The following SEMA3A variants were observed in gnomAD, a reference collection of about 807,000 sequenced individuals.
SEMA3A encodes the protein semaphorin 3A.
In SEMA3A, 29 loss-of-function variants were observed where a neutral mutation model predicts 97.9. The observed-to-expected ratio is 0.30, with a 90% CI of 0.22 to 0.40. The LOEUF is 0.40. Among genes scored for constraint, SEMA3A ranks in the 10% least tolerant of loss-of-function variants. The probability of loss-of-function intolerance (pLI) is 1.00; values close to 1 mark genes in which losing one functional copy is unlikely to be tolerated. For missense variants in SEMA3A, 763 were observed against 951.3 expected, an observed-to-expected ratio of 0.80 and a Z score of 2.60; for synonymous variants, 321 against 323.7, an observed-to-expected ratio of 0.99 and a Z score of 0.09.
At chr7:84,201,379 C>T (rs1269359159) in intron 3 of SEMA3A, among the ~76,000 whole-genome samples, 1 of 152,042 alleles carries the variant, frequency 6.6e-6, no homozygotes, top group Non-Finnish European at 1.5e-5. Context: ...ATCTACAGTG[C>T]ATTCTGCTTT....
chr7:83,981,923 G>A (rs1393760193), intron 13 of SEMA3A, among the ~76,000 whole-genome samples: 1 of 152,040 alleles, frequency 6.6e-6, no homozygotes, highest in Admixed American at 6.6e-5. Flanking sequence ...GATGGAGTGT[G>A]CCCTTTCCTA....
At chr7:84,137,142 T>C (rs547121901) in intron 1 of SEMA3A, among the ~76,000 whole-genome samples, 1 of 152,234 alleles carries the variant, frequency 6.6e-6, no homozygotes, top group African/African-American at 2.4e-5. Context: ...GGCTCATGCC[T>C]GTAATCTCAG....
intron 3 of SEMA3A, among the ~76,000 whole-genome samples, chr7:84,229,439 T>C (rs895184818): frequency 6.6e-6 from 1 of 152,130 alleles, no homozygotes; most frequent in African/African-American, 2.4e-5. Context: ...ATCAATCTAT[T>C]TAACCTTGGA....
chr7:84,215,606 C>T (rs7808880), intron 3 of SEMA3A, among the ~76,000 whole-genome samples: 11,386 of 152,182 alleles, frequency 0.075, 1,459 homozygotes, highest in African/African-American at 0.26. Flanking sequence ...TTGCCATCTG[C>T]CATATTATAT....
intron 3 of SEMA3A, among the ~76,000 whole-genome samples, chr7:84,289,636 A>G (rs975189105): frequency 1.3e-5 from 2 of 152,144 alleles, no homozygotes; most frequent in African/African-American, 2.4e-5. Flanking sequence ...GTTAGCAAGG[A>G]TATTGAGAAC....
At chr7:84,427,649 CA>C (rs55872394) in intron 1 of SEMA3A, among the ~76,000 whole-genome samples, 53 of 72,984 alleles carry the variant, frequency 7.3e-4, no homozygotes, top group African/African-American at 2.7e-3. Flanking sequence ...GATTCTGTCT[CA>C]AAAAAAAAAA....
chr7:84,176,842 G>A (rs574325745), intron 1 of SEMA3A, among the ~76,000 whole-genome samples: 1 of 152,208 alleles, frequency 6.6e-6, no homozygotes, highest in East Asian at 1.9e-4. Flanking sequence ...AGTTTAGGGT[G>A]TGCAACATGC....
intron 1 of SEMA3A, among the ~76,000 whole-genome samples, chr7:84,417,172 A>T (rs1804459701): frequency 6.6e-6 from 1 of 152,080 alleles, no homozygotes; most frequent in Non-Finnish European, 1.5e-5. Flanking sequence ...CTATATTGTG[A>T]TTTAATACTT....
intron 15 of SEMA3A, among the ~76,000 whole-genome samples, chr7:83,968,522 G>C (rs1406636183): frequency 6.6e-6 from 1 of 151,992 alleles, no homozygotes; most frequent in Admixed American, 6.6e-5. Context: ...AATGGACTTT[G>C]TGATCATACT....
rs1262540857 is a variant in SEMA3A at position 84,336,815 on chromosome 7, T to A, written c.-168-29523A>T. Among the ~76,000 whole-genome samples the A allele has an allele frequency of 2.0e-5, 3 of 152,162 alleles. No individual in the cohort carries two copies. The East Asian group carries it at 5.8e-4, about 29-fold the overall frequency. ...ACACTTTACTAAGTAAAGTAGCATG[T>A]CTTGTAATCTTGTAAAATAGTCTGT... is the stretch of plus-strand genomic sequence containing the variant. On this transcript the variant is annotated intron_variant, in intron 2 of 3. Transcript: ENST00000424555.
intron 1 of SEMA3A, among the ~76,000 whole-genome samples, chr7:84,143,009 CA>C (rs1306417383): frequency 1.3e-5 from 2 of 152,164 alleles, no homozygotes; most frequent in East Asian, 3.9e-4. Context: ...TCCATCGCTA[CA>C]GTTTTGCTTA....
intron 12 of SEMA3A, among the ~76,000 whole-genome samples, chr7:83,986,652 G>A (rs1446841765): frequency 6.6e-6 from 1 of 152,144 alleles, no homozygotes; most frequent in Non-Finnish European, 1.5e-5. Context: ...TAAGAAAGAG[G>A]CTTAGGTGGA....
chr7:84,394,804 A>G (rs1016146039), intron 1 of SEMA3A, among the ~76,000 whole-genome samples: 1 of 152,308 alleles, frequency 6.6e-6, no homozygotes, highest in African/African-American at 2.4e-5. Context: ...TACTAATAAA[A>G]GAGCTACATA....
intron 4 of SEMA3A, among the ~76,000 whole-genome samples, chr7:84,091,785 G>C (rs1794612245): frequency 6.6e-6 from 1 of 152,186 alleles, no homozygotes; most frequent in African/African-American, 2.4e-5. Context: ...TAATAACCGT[G>C]AGTGAAGAGT....
At chr7:84,156,646 G>A (rs1796854283) in intron 1 of SEMA3A, among the ~76,000 whole-genome samples, 1 of 152,076 alleles carries the variant, frequency 6.6e-6, no homozygotes, top group Non-Finnish European at 1.5e-5. Flanking sequence ...ATGCGAGTCT[G>A]TATACAGTGA....
At chr7:84,062,508 C>T (rs1047954399) in intron 4 of SEMA3A, among the ~76,000 whole-genome samples, 4 of 152,190 alleles carry the variant, frequency 2.6e-5, no homozygotes, top group Non-Finnish European at 4.4e-5. Context: ...TCTCAGGTAC[C>T]GGGTTCACCT....
At chr7:83,968,868 T>C (rs766230017) in intron 15 of SEMA3A, among the ~76,000 whole-genome samples, 8 of 142,534 alleles carry the variant, frequency 5.6e-5, no homozygotes, top group African/African-American at 7.9e-5. Context: ...TGGAGTGCAG[T>C]GGCACGATCT....
chr7:84,476,121 C>T (rs761462862), intron 1 of SEMA3A, among the ~76,000 whole-genome samples: 5 of 151,940 alleles, frequency 3.3e-5, no homozygotes, highest in Non-Finnish European at 7.4e-5. Context: ...CTTTGGGAGG[C>T]CAAGGCAGGT....
intron 6 of SEMA3A, among the ~76,000 whole-genome samples, chr7:84,014,645 T>A (rs541984921): frequency 6.1e-4 from 93 of 152,330 alleles, no homozygotes; most frequent in Admixed American, 2.2e-3. Flanking sequence ...GATATTAAAA[T>A]ATTTTGCAAA....
Sources: gnomAD v4.1 joint callset for allele counts (sites outside exome capture counted in the v4.1 genomes callset) on GRCh38, gnomAD v4.1.1 for gene constraint, MANE v1.5 for transcripts, NCBI Gene and HGNC (gene_info 2026-07-23, HGNC 2026-07-21) for gene names.